MBD5: variants seen among roughly 807,000 people sequenced by gnomAD.
MBD5 encodes the protein methyl-CpG-binding domain protein 5.
MBD5 carries 13 observed loss-of-function variants against 117.3 expected under a neutral mutation model. That is an observed-to-expected ratio of 0.11 (90% CI 0.07 to 0.18). The LOEUF is 0.18. Among genes scored for constraint, MBD5 ranks in the 10% least tolerant of loss-of-function variants. The probability of loss-of-function intolerance (pLI) is 1.00; values close to 1 mark genes in which losing one functional copy is unlikely to be tolerated. For synonymous variants in MBD5, 727 were observed against 766.4 expected, an observed-to-expected ratio of 0.95 and a Z score of 0.85; for missense variants, 1,879 against 2,093.8, an observed-to-expected ratio of 0.90 and a Z score of 2.00.
At position 148,090,384 on chromosome 2, in the gene MBD5, C is replaced by CA. The variant is rs1192374386; in HGVS notation, c.-925+68708dup. 3.3e-5 allele frequency among the ~76,000 whole-genome samples: 5 copies of CA among 151,154 alleles called. No homozygotes were observed. In the South Asian group the frequency reaches 1.0e-3, roughly 32 times the overall value. ...ATACCAAAACCAGGAAAGGACATAA[C>CA]AAAAAAAAGAAAACCATAGGCCAAT... On this transcript the variant is annotated intron_variant, in intron 1 of 13. Coordinates refer to ENST00000642680, the MANE Select transcript of MBD5 (RefSeq NM_001378120.1).
chr2:148,267,955 T>TTC (rs530138425), intron 3 of MBD5, among the ~76,000 whole-genome samples: 82 of 149,026 alleles, frequency 5.5e-4, no homozygotes, highest in Non-Finnish European at 9.1e-4. Context: ...TTTTTTTCTT[T>TTC]TTTTTTTTTT....
At chr2:148,161,542 C>T (rs1698006965) in intron 1 of MBD5, among the ~76,000 whole-genome samples, 1 of 151,818 alleles carries the variant, frequency 6.6e-6, no homozygotes, top group Non-Finnish European at 1.5e-5. Flanking sequence ...TTAATCCATA[C>T]TTTTTTTTTC....
At chr2:148,180,921 AAT>A (rs1317486414) in intron 2 of MBD5, among the ~76,000 whole-genome samples, 1 of 152,178 alleles carries the variant, frequency 6.6e-6, no homozygotes, top group Non-Finnish European at 1.5e-5. Flanking sequence ...ATATTTTCAT[AAT>A]GAGTATTGTT....
intron 4 of MBD5, among the ~76,000 whole-genome samples, chr2:148,384,115 A>G (rs1025767127): frequency 2.0e-5 from 3 of 152,076 alleles, no homozygotes; most frequent in Admixed American, 6.5e-5. Flanking sequence ...GGCCAGGGCA[A>G]TCAGGCAGGA....
chr2:148,467,329 T>G (rs999412107), intron 7 of MBD5, among the ~76,000 whole-genome samples: 1 of 152,210 alleles, frequency 6.6e-6, no homozygotes, highest in Non-Finnish European at 1.5e-5. Context: ...ATGAATCTGC[T>G]TGCTTTTGTT....
chr2:148,373,433 A>G (rs950705074), intron 4 of MBD5, among the ~76,000 whole-genome samples: 5 of 152,084 alleles, frequency 3.3e-5, no homozygotes, highest in African/African-American at 1.2e-4. Flanking sequence ...AAATACAAAC[A>G]TGTTCTTCTA....
intron 1 of MBD5, among the ~76,000 whole-genome samples, chr2:148,157,261 A>G (rs914839877): frequency 7.9e-5 from 12 of 151,934 alleles, no homozygotes; most frequent in African/African-American, 2.7e-4. Flanking sequence ...TACATTAGGT[A>G]TTTCTCCTAA....
Position 148,200,235 on chromosome 2 carries a change from T to G in MBD5, c.-831+21442T>G, listed in dbSNP as rs78312075. The stretch of plus-strand genomic sequence containing the variant: ...TTCTAATGCATATGTAATCTACATA[T>G]TTATTGTCTGCCCACACTAGAAACT... On this transcript the variant is annotated intron_variant, in intron 2 of 13. Coordinates refer to ENST00000642680, the MANE Select transcript of MBD5 (RefSeq NM_001378120.1). Among the ~76,000 whole-genome samples the G allele has an allele frequency of 1.0e-3, 155 of 151,450 alleles. 1 individual carries two copies. Among genetic ancestry groups the G allele is most frequent in the African/African-American group, 3.5e-3 (146 of 41,346 alleles).
At chr2:148,083,579 T>G (rs548527792) in intron 1 of MBD5, among the ~76,000 whole-genome samples, 6 of 152,136 alleles carry the variant, frequency 3.9e-5, no homozygotes, top group Non-Finnish European at 7.4e-5. Flanking sequence ...AGGTCCTATA[T>G]TACACCCTGT....
In MBD5 at chr2:148,021,349, C is replaced by T. The variant is rs938500503; in HGVS notation, c.-1260C>T. ...GAAAACCCCCATCCACGACTCCTAC[C>T]CCCTCACCCCTCCAACTCGCCTCCC... On this transcript the variant is annotated 5_prime_UTR_variant, in exon 1 of 14. Coordinates refer to ENST00000642680, the MANE Select transcript of MBD5 (RefSeq NM_001378120.1). 1.4e-5 allele frequency: 6 copies of T among 414,040 alleles called. No individual in the cohort carries two copies. The highest frequency in any genetic ancestry group is 2.9e-5 in the Non-Finnish European group (6 of 207,508). The allele number at this position is 414,040 out of a possible 1,614,324, so 25.6% of individuals were successfully genotyped here. A position where few individuals can be genotyped will look rare whatever the true frequency, so the allele number is the denominator to read the frequency against.
intron 2 of MBD5, among the ~76,000 whole-genome samples, chr2:148,221,645 A>T (rs998874235): frequency 6.6e-6 from 1 of 152,002 alleles, no homozygotes; most frequent in Non-Finnish European, 1.5e-5. Context: ...AGCTCCTTGT[A>T]TATTCTAGTT....
At position 148,470,015 on chromosome 2, in the gene MBD5, A is replaced by G; in HGVS notation, c.2072A>G (p.Gln691Arg). The G allele has an allele frequency of 6.2e-7, 1 of 1,613,810 alleles. No homozygotes were observed. Among genetic ancestry groups the G allele is most frequent in the Non-Finnish European group, 8.5e-7 (1 of 1,179,808 alleles). The change falls in exon 8 of 14, where the codon CAG (glutamine) becomes CGG (arginine). Residue 691 changes from glutamine (Q) to arginine (R), a missense_variant. Physicochemically the swap from Gln to Arg is conservative, Grantham distance 43. This residue lies in a region of MBD5 where 1,666 missense variants were observed against 1,792.2 expected (regional missense o/e 0.93). Coordinates refer to ENST00000642680, the MANE Select transcript of MBD5 (RefSeq NM_001378120.1). ...CCTGGACCTGACTTGCTAAGGAAGC[A>G]GGGTCAGGGTTCATTTCCCATCAGT... ...PKPGPDLLRK[Q>R]GQGSFPISSM...
intron 1 of MBD5, among the ~76,000 whole-genome samples, chr2:148,088,946 T>G (rs1365283118): frequency 6.6e-6 from 1 of 152,138 alleles, no homozygotes; most frequent in African/African-American, 2.4e-5. Flanking sequence ...AAGTATCTGT[T>G]GTCTTCAAGA....
intron 1 of MBD5, among the ~76,000 whole-genome samples, chr2:148,076,725 TTCAC>T (rs1695518680): frequency 6.6e-6 from 1 of 152,228 alleles, no homozygotes; most frequent in Non-Finnish European, 1.5e-5. Context: ...GATAAATCTG[TTCAC>T]TCATTTATTC....
chr2:148,242,917 G>A (rs1055454195), intron 3 of MBD5, among the ~76,000 whole-genome samples: 14 of 152,184 alleles, frequency 9.2e-5, no homozygotes, highest in South Asian at 2.1e-4. Context: ...TTTATGTGTG[G>A]GTTTCAAAAA....
chr2:148,258,452 C>T (rs1234881516), intron 3 of MBD5, among the ~76,000 whole-genome samples: 1 of 152,172 alleles, frequency 6.6e-6, no homozygotes, highest in African/African-American at 2.4e-5. Flanking sequence ...CCAGCACCTG[C>T]ACCCACCGTA....
In MBD5 at chr2:148,042,646, A is replaced by T. The variant is rs77474853; in HGVS notation, c.-925+20962A>T. Among the ~76,000 whole-genome samples the T allele has an allele frequency of 1.4e-3, 220 of 152,302 alleles. 3 individuals carry two copies. In the East Asian group the frequency reaches 0.039, roughly 27 times the overall value. ...CTACAAATTTAGGAAGATGAGGAGGACCAAAAAAACTACAAATAAGGTAAA... is the reference window on the plus strand; with the variant it reads ...CTACAAATTTAGGAAGATGAGGAGGTCCAAAAAAACTACAAATAAGGTAAA... On this transcript the variant is annotated intron_variant, in intron 1 of 13. Coordinates refer to ENST00000642680, the MANE Select transcript of MBD5 (RefSeq NM_001378120.1).
Position 148,021,498 on chromosome 2 carries a change from ACTGCTGCTGCTGCTACTGCTGCTG to A in MBD5, c.-1108_-1085del, listed in dbSNP as rs1693727244. On this transcript the variant is annotated 5_prime_UTR_variant, in exon 1 of 14. Coordinates refer to ENST00000642680, the MANE Select transcript of MBD5 (RefSeq NM_001378120.1). ...TGCTGCTGTTGCTGCTGCTGCTGCT[ACTGCTGCTGCTGCTACTGCTGCTG>A]CTTGGCCCTGGCTGGAGACATCTCA... The A allele has an allele frequency of 1.8e-6, 1 of 569,554 alleles. No individual in the cohort carries two copies. The highest frequency in any genetic ancestry group is 1.9e-5 in the African/African-American group (1 of 52,414). The allele number at this position is 569,554 out of a possible 1,614,324, so 35.3% of individuals were successfully genotyped here. A position where few individuals can be genotyped will look rare whatever the true frequency, so the allele number is the denominator to read the frequency against.
At chr2:148,231,182 A>G (rs1177589350) in intron 2 of MBD5, among the ~76,000 whole-genome samples, 1 of 152,168 alleles carries the variant, frequency 6.6e-6, no homozygotes, top group African/African-American at 2.4e-5. Flanking sequence ...GGGCCACAGA[A>G]CACTTTAGCC....
Sources: allele counts gnomAD v4.1 joint callset (sites outside exome capture counted in the v4.1 genomes callset), GRCh38; gene constraint gnomAD v4.1.1; regional missense constraint gnomAD v4.1.1; transcripts MANE v1.5; gene names NCBI Gene and HGNC (gene_info 2026-07-23, HGNC 2026-07-21).